RIMS2: variants seen among roughly 807,000 people sequenced by gnomAD.
The protein encoded by RIMS2 is regulating synaptic membrane exocytosis 2.
In RIMS2, 59 loss-of-function variants were observed where a neutral mutation model predicts 174.4. The ratio of observed to expected loss-of-function variants is 0.34; its 90% CI spans 0.27 to 0.42. The LOEUF is 0.42. Among genes scored for constraint, RIMS2 ranks in the 10% least tolerant of loss-of-function variants. The pLI is 1.00. For missense variants in RIMS2, 1,620 were observed against 1,666.3 expected, an observed-to-expected ratio of 0.97 and a Z score of 0.48; for synonymous variants, 606 against 572.5, an observed-to-expected ratio of 1.06 and a Z score of -0.84.
chr8:103,989,588 T>G, intron 17 of RIMS2, among the ~76,000 whole-genome samples, 167 bp downstream of exon 19: 1 of 152,294 alleles, frequency 6.6e-6, no homozygotes, highest in East Asian at 1.9e-4. Flanking sequence ...TTGTTAAAGG[T>G]AAATAAATAC....
intron 1 of RIMS2, among the ~76,000 whole-genome samples, chr8:103,547,623 C>A (rs1046628113): frequency 6.6e-6 from 1 of 151,990 alleles, no homozygotes. Context: ...AGCAAACCAA[C>A]CCCAAAGCCA....
At chr8:104,181,434 A>G (rs1193821664) in intron 19 of RIMS2, among the ~76,000 whole-genome samples, 1 of 151,650 alleles carries the variant, frequency 6.6e-6, no homozygotes, top group African/African-American at 2.4e-5. Flanking sequence ...CCATGACCAA[A>G]TCACTTAAGT....
At chr8:104,221,484 A>G (rs1052402030) in intron 19 of RIMS2, among the ~76,000 whole-genome samples, 3 of 152,176 alleles carry the variant, frequency 2.0e-5, no homozygotes, top group Non-Finnish European at 4.4e-5. Context: ...CTCATTTAAT[A>G]AAATTTTCTA....
chr8:103,805,832 G>A (rs1040322980), intron 3 of RIMS2, among the ~76,000 whole-genome samples: 7 of 151,752 alleles, frequency 4.6e-5, no homozygotes, highest in African/African-American at 1.7e-4. Context: ...AATCACTTTA[G>A]TCTTCCTTTC....
intron 2 of RIMS2, among the ~76,000 whole-genome samples, chr8:103,707,853 C>G (rs1358120085): frequency 1.3e-5 from 2 of 152,190 alleles, no homozygotes; most frequent in Non-Finnish European, 2.9e-5. Context: ...TTTGTACTGC[C>G]AGGGCAACAT....
At chr8:103,752,693 C>T (rs998795463) in intron 2 of RIMS2, among the ~76,000 whole-genome samples, 4 of 152,124 alleles carry the variant, frequency 2.6e-5, no homozygotes, top group African/African-American at 9.7e-5. Flanking sequence ...CTCTTTGAAG[C>T]AACTGTGAAT....
intron 19 of RIMS2, among the ~76,000 whole-genome samples, chr8:104,205,913 G>A (rs1563748213): frequency 3.3e-5 from 5 of 151,974 alleles, no homozygotes; most frequent in Middle Eastern, 6.8e-3. Flanking sequence ...GCACCATCAC[G>A]CCCGGCTGAT....
At position 103,842,918 on chromosome 8, in the gene RIMS2, G is replaced by A. The variant is rs150098956; in HGVS notation, c.699-42380G>A. Among the ~76,000 whole-genome samples, 396 of 152,288 alleles carry A rather than the reference G, an allele frequency of 2.6e-3. 2 individuals carry two copies. Among genetic ancestry groups the A allele is most frequent in the African/African-American group, 8.4e-3 (350 of 41,574 alleles). ...CTTCTGAAGCCTAGCTCCTTGGCTT[G>A]CAGATAGCTGCCTTCTCGCTGTGTC... On this transcript the variant is annotated intron_variant, in intron 3 of 23. Coordinates refer to ENST00000504942, the Ensembl canonical transcript of RIMS2.
chr8:103,786,789 G>A lies in RIMS2; in HGVS notation c.698+20252G>A, dbSNP rs575975251. Among the ~76,000 whole-genome samples the A allele has an allele frequency of 1.4e-3, 206 of 152,204 alleles. 1 individual carries two copies. The highest frequency in any genetic ancestry group is 4.5e-3 in the African/African-American group (186 of 41,522). ...AGTTCTGTAGATGTCTATTAAGTCC[G>A]CTTGGTGCAGAGCTGAGTTCAATTC... On this transcript the variant is annotated intron_variant, in intron 3 of 23. Coordinates refer to ENST00000504942, the Ensembl canonical transcript of RIMS2.
At chr8:103,912,360 T>C (rs571078072) in intron 6 of RIMS2, among the ~76,000 whole-genome samples, 188 bp downstream of exon 9, 2 of 152,268 alleles carry the variant, frequency 1.3e-5, no homozygotes, top group Non-Finnish European at 2.9e-5. Flanking sequence ...TTGCCATAAT[T>C]CCACAGTAAT....
chr8:103,727,019 G>A (rs1390503746), intron 2 of RIMS2, among the ~76,000 whole-genome samples: 1 of 151,602 alleles, frequency 6.6e-6, no homozygotes, highest in Admixed American at 6.6e-5. Flanking sequence ...TTACAGGTGT[G>A]AGCCACCGCA....
exon 1 of RIMS2, chr8:103,500,957 C>T (rs762621849): frequency 3.7e-6 from 6 of 1,610,034 alleles, no homozygotes; most frequent in African/African-American, 1.3e-5. Flanking sequence ...CCTCTGCAGC[C>T]CGAGATGCCT....
At chr8:103,731,195 G>T (rs745772734) in intron 2 of RIMS2, among the ~76,000 whole-genome samples, 1 of 152,132 alleles carries the variant, frequency 6.6e-6, no homozygotes, top group Non-Finnish European at 1.5e-5. Flanking sequence ...TTTGGGTGGG[G>T]ACACAGCCAA....
intron 3 of RIMS2, among the ~76,000 whole-genome samples, chr8:103,814,474 G>A: frequency 6.6e-6 from 1 of 151,870 alleles, no homozygotes; most frequent in South Asian, 2.1e-4. Context: ...AATTTTTGAG[G>A]ATGATGTAAA....
chr8:104,092,921 C>T (rs1171403819), intron 19 of RIMS2, among the ~76,000 whole-genome samples: 1 of 151,932 alleles, frequency 6.6e-6, no homozygotes, highest in Admixed American at 6.6e-5. Context: ...TATTTCAATT[C>T]CAGGAAGTTT....
At chr8:103,682,625 C>T (rs1360696981) in intron 1 of RIMS2, among the ~76,000 whole-genome samples, 3 of 152,080 alleles carry the variant, frequency 2.0e-5, no homozygotes, top group Admixed American at 6.6e-5. Context: ...TGGCAAGGAA[C>T]GTCAATTAAC....
chr8:103,816,328 G>T (rs893165252), intron 3 of RIMS2, among the ~76,000 whole-genome samples: 1 of 152,136 alleles, frequency 6.6e-6, no homozygotes, highest in African/African-American at 2.4e-5. Flanking sequence ...TCCTGTCTAT[G>T]TAAGTGATTG....
chr8:104,148,583 T>A (rs752995292), intron 19 of RIMS2, 24 bp from the exon 25 acceptor site: 4 of 1,587,480 alleles, frequency 2.5e-6, no homozygotes. Context: ...TTGTCCTCAC[T>A]TTTAATGATC....
At chr8:104,024,662 T>C (rs1304598403) in intron 19 of RIMS2, among the ~76,000 whole-genome samples, 2 of 152,190 alleles carry the variant, frequency 1.3e-5, no homozygotes, top group Non-Finnish European at 2.9e-5. Context: ...ATGAACAAGA[T>C]ATATTTCTTG....
Sources: allele counts gnomAD v4.1 joint callset (sites outside exome capture counted in the v4.1 genomes callset), GRCh38; gene constraint gnomAD v4.1.1; transcripts MANE v1.5; gene names NCBI Gene and HGNC (gene_info 2026-07-23, HGNC 2026-07-21).